PDE8B: variants seen among roughly 807,000 people sequenced by gnomAD.
The protein encoded by PDE8B is high affinity cAMP-specific and IBMX-insensitive 3',5'-cyclic phosphodiesterase 8B.
In PDE8B, 26 loss-of-function variants were observed where a neutral mutation model predicts 101.3. That is an observed-to-expected ratio of 0.26 (90% CI 0.19 to 0.36). PDE8B has a LOEUF of 0.36. PDE8B is among the 10% of genes least tolerant of loss of function. PDE8B has a pLI of 1.00. For missense variants in PDE8B, 810 were observed against 1,163.1 expected, an observed-to-expected ratio of 0.70 and a Z score of 4.42; for synonymous variants, 424 against 429.3, an observed-to-expected ratio of 0.99 and a Z score of 0.15.
intron 17 of PDE8B, among the ~76,000 whole-genome samples, chr5:77,414,750 C>G (rs1795200755): frequency 6.6e-6 from 1 of 152,032 alleles, no homozygotes; most frequent in South Asian, 2.1e-4. Context: ...TCTTTTATAC[C>G]ACATGATGTT....
chr5:77,242,788 C>T (rs2149556156), intron 1 of PDE8B, among the ~76,000 whole-genome samples: 1 of 152,256 alleles, frequency 6.6e-6, no homozygotes, highest in South Asian at 2.1e-4. Context: ...TCTCCTGCCT[C>T]AGCCTGTAGC....
intron 1 of PDE8B, among the ~76,000 whole-genome samples, chr5:77,250,035 A>C (rs1018169329): frequency 6.6e-6 from 1 of 152,226 alleles, no homozygotes; most frequent in African/African-American, 2.4e-5. Context: ...CTTCCATTTT[A>C]AAGAGAAAAA....
intron 10 of PDE8B, among the ~76,000 whole-genome samples, chr5:77,368,021 C>T (rs184134984): frequency 3.3e-5 from 5 of 152,140 alleles, no homozygotes; most frequent in Admixed American, 3.3e-4. Flanking sequence ...CTAATATGTC[C>T]CCATGTGAGA....
chr5:77,123,068 T>C, the PDE8B span, among the ~76,000 whole-genome samples: 1 of 152,136 alleles, frequency 6.6e-6, no homozygotes, highest in South Asian at 2.1e-4. Context: ...TCTAAGTCCA[T>C]TTTCTGTTGT....
At chr5:77,281,291 T>C (rs1764939963) in intron 1 of PDE8B, among the ~76,000 whole-genome samples, 1 of 152,240 alleles carries the variant, frequency 6.6e-6, no homozygotes, top group African/African-American at 2.4e-5. Flanking sequence ...TCTGGATGCC[T>C]AGCTGTTGGC....
the PDE8B span, among the ~76,000 whole-genome samples, chr5:77,194,478 A>ACAGTGTG: frequency 6.6e-6 from 1 of 152,138 alleles, no homozygotes; most frequent in Non-Finnish European, 1.5e-5. Context: ...TTTAAAGTGT[A>ACAGTGTG]CAATTAAGTA....
At chr5:77,242,510 A>G in intron 1 of PDE8B, among the ~76,000 whole-genome samples, 1 of 152,222 alleles carries the variant, frequency 6.6e-6, no homozygotes, top group East Asian at 1.9e-4. Flanking sequence ...AACCACTAAA[A>G]GAAGCTAGAT....
chr5:77,258,289 CAAAAAAAAAAA>C (rs70988662), intron 1 of PDE8B, among the ~76,000 whole-genome samples: 31 of 88,572 alleles, frequency 3.5e-4, no homozygotes, highest in African/African-American at 1.0e-3. Flanking sequence ...GACTCCATCT[CAAAAAAAAAAA>C]AAAAAAAAAA....
At chr5:77,115,775 A>T in the PDE8B span, among the ~76,000 whole-genome samples, 8 of 152,228 alleles carry the variant, frequency 5.3e-5, no homozygotes, top group Admixed American at 1.3e-4. Context: ...TGAAAGCAAA[A>T]CAAGACAACA....
chr5:77,376,448 C>T (rs932315978), intron 10 of PDE8B, among the ~76,000 whole-genome samples: 8 of 152,184 alleles, frequency 5.3e-5, no homozygotes, highest in Non-Finnish European at 8.8e-5. Context: ...TCAACAAACA[C>T]CTGCTGAATG....
At chr5:77,250,802 C>G (rs542025532) in intron 1 of PDE8B, among the ~76,000 whole-genome samples, 1 of 152,218 alleles carries the variant, frequency 6.6e-6, no homozygotes, top group African/African-American at 2.4e-5. Context: ...TTTCCTGGGC[C>G]GCCAAGGTCC....
intron 1 of PDE8B, among the ~76,000 whole-genome samples, chr5:77,259,068 A>ACCCCCCC (rs1491575842): frequency 7.3e-5 from 3 of 41,162 alleles, no homozygotes; most frequent in African/African-American, 1.9e-4. Flanking sequence ...ACACACACAC[A>ACCCCCCC]CCCCCGCCCC....
At chr5:77,141,254 G>A in the PDE8B span, 20 of 152,226 alleles carry the variant, frequency 1.3e-4, 1 homozygote, top group East Asian at 2.7e-3. Context: ...TAAAAATTAA[G>A]CACAAAAGAG....
At chr5:77,122,903 G>C in the PDE8B span, among the ~76,000 whole-genome samples, 1 of 152,132 alleles carries the variant, frequency 6.6e-6, no homozygotes, top group African/African-American at 2.4e-5. Context: ...AAACGAAAGG[G>C]GCAAAATACA....
intron 1 of PDE8B, among the ~76,000 whole-genome samples, chr5:77,254,295 A>G (rs1275627405): frequency 6.6e-6 from 1 of 152,150 alleles, no homozygotes; most frequent in Non-Finnish European, 1.5e-5. Flanking sequence ...ATGCTCGGAA[A>G]AGAACTACAG....
the PDE8B span, among the ~76,000 whole-genome samples, chr5:77,125,714 A>C: frequency 6.6e-6 from 1 of 152,196 alleles, no homozygotes; most frequent in East Asian, 1.9e-4. Flanking sequence ...AAAAGGAAAA[A>C]TATTGTATGA....
At chr5:77,218,243 A>T (rs1171055131) in intron 1 of PDE8B, among the ~76,000 whole-genome samples, 1 of 152,208 alleles carries the variant, frequency 6.6e-6, no homozygotes, top group Non-Finnish European at 1.5e-5. Context: ...TAGCTATAAT[A>T]ATATTAGTTG....
the PDE8B span, among the ~76,000 whole-genome samples, chr5:77,178,841 G>T: frequency 7.2e-5 from 11 of 152,312 alleles, no homozygotes; most frequent in African/African-American, 2.6e-4. Context: ...CTTTCAGTTT[G>T]TTGGACCGAG....
the PDE8B span, among the ~76,000 whole-genome samples, chr5:77,179,952 A>T: frequency 6.6e-6 from 1 of 152,124 alleles, no homozygotes; most frequent in Non-Finnish European, 1.5e-5. Flanking sequence ...CAATATCTCT[A>T]ACTTGAAAAT....
Sources: gnomAD v4.1 joint callset for allele counts (sites outside exome capture counted in the v4.1 genomes callset) on GRCh38, gnomAD v4.1.1 for gene constraint, MANE v1.5 for transcripts, NCBI Gene and HGNC (gene_info 2026-07-23, HGNC 2026-07-21) for gene names.